MCTP1: variants seen among roughly 807,000 people sequenced by gnomAD.
The protein encoded by MCTP1 is multiple C2 and transmembrane domain-containing protein 1.
MCTP1 carries 69 observed loss-of-function variants against 120.6 expected under a neutral mutation model. The observed-to-expected ratio is 0.57, with a 90% CI of 0.47 to 0.70. The LOEUF is 0.70. MCTP1 is among the 30% of genes least tolerant of loss of function. The probability of loss-of-function intolerance (pLI) is 0.00; values close to 1 mark genes in which losing one functional copy is unlikely to be tolerated. For synonymous variants in MCTP1, 529 were observed against 493.1 expected (o/e 1.07, Z -0.96); for missense variants, 1,203 against 1,248.8 (o/e 0.96, Z 0.55).
intron 1 of MCTP1, among the ~76,000 whole-genome samples, chr5:95,146,125 T>G (rs331561): frequency 0.29 from 43,457 of 152,022 alleles, 6,689 homozygotes; most frequent in East Asian, 0.6. Context: ...GGGAGATTAT[T>G]TGTTTCCAAG....
At chr5:94,839,846 T>C (rs2153193995) in intron 17 of MCTP1, among the ~76,000 whole-genome samples, 1 of 152,330 alleles carries the variant, frequency 6.6e-6, no homozygotes, top group Middle Eastern at 3.4e-3. Flanking sequence ...AAGATGACTA[T>C]AAAGATCACA....
At chr5:95,077,131 G>A (rs898457386) in intron 1 of MCTP1, among the ~76,000 whole-genome samples, 6 of 152,108 alleles carry the variant, frequency 3.9e-5, no homozygotes, top group African/African-American at 1.2e-4. Context: ...ATGAAATATT[G>A]TGGGGAAGAA....
chr5:94,993,527 G>T (rs1325900534), intron 2 of MCTP1, among the ~76,000 whole-genome samples: 1 of 152,144 alleles, frequency 6.6e-6, no homozygotes, highest in Non-Finnish European at 1.5e-5. Context: ...CCCAAGAGAT[G>T]ATTTGTTTAT....
At chr5:95,112,879 T>C (rs1284147941) in intron 1 of MCTP1, among the ~76,000 whole-genome samples, 1 of 152,212 alleles carries the variant, frequency 6.6e-6, no homozygotes, top group African/African-American at 2.4e-5. Context: ...GAAGATTTCT[T>C]TTATGATATT....
At chr5:94,877,452 T>C (rs1211665542) in intron 12 of MCTP1, 2 of 152,134 alleles carry the variant, frequency 1.3e-5, no homozygotes, top group East Asian at 3.9e-4. Context: ...TCTTTTACCC[T>C]AACTCATAAA....
intron 1 of MCTP1, among the ~76,000 whole-genome samples, chr5:95,082,621 A>C (rs962613041): frequency 6.6e-6 from 1 of 152,190 alleles, no homozygotes; most frequent in African/African-American, 2.4e-5. Context: ...AAGAAACATT[A>C]ATTTTAGTAA....
At chr5:94,957,037 A>C (rs999106982) in intron 2 of MCTP1, among the ~76,000 whole-genome samples, 8 of 152,218 alleles carry the variant, frequency 5.3e-5, no homozygotes, top group African/African-American at 1.9e-4. Flanking sequence ...CTACCCACAA[A>C]GGGAAGCCCA....
chr5:94,747,917 C>T (rs1269026242), intron 19 of MCTP1, among the ~76,000 whole-genome samples: 1 of 152,014 alleles, frequency 6.6e-6, no homozygotes, highest in Non-Finnish European at 1.5e-5. Flanking sequence ...GTGGTGAAAT[C>T]CCGTCTCTAC....
chr5:95,076,175 T>C (rs550266695), intron 1 of MCTP1, among the ~76,000 whole-genome samples: 120 of 151,178 alleles, frequency 7.9e-4, no homozygotes, highest in Non-Finnish European at 1.3e-3. Context: ...TATAATGATA[T>C]ATTATGATAA....
intron 17 of MCTP1, among the ~76,000 whole-genome samples, chr5:94,824,191 T>C (rs1193253461): frequency 1.3e-5 from 2 of 152,230 alleles, no homozygotes; most frequent in Admixed American, 6.5e-5. Context: ...TTCTCATAAA[T>C]AGCTCTTATT....
At chr5:95,131,037 T>G (rs1759003430) in intron 1 of MCTP1, among the ~76,000 whole-genome samples, 1 of 152,156 alleles carries the variant, frequency 6.6e-6, no homozygotes, top group African/African-American at 2.4e-5. Flanking sequence ...AATTAGGTGG[T>G]TCACAGTATT....
intron 2 of MCTP1, among the ~76,000 whole-genome samples, chr5:94,965,226 C>T (rs1825300879): frequency 6.6e-6 from 1 of 152,150 alleles, no homozygotes; most frequent in African/African-American, 2.4e-5. Flanking sequence ...GTAAAGTATT[C>T]TTGGATGCCA....
intron 20 of MCTP1, among the ~76,000 whole-genome samples, chr5:94,714,342 G>A (rs1268339866): frequency 6.6e-6 from 1 of 151,898 alleles, no homozygotes; most frequent in African/African-American, 2.4e-5. Flanking sequence ...CCATAAATAT[G>A]ATTAATTTTT....
chr5:95,045,450 C>T (rs1582007639), intron 1 of MCTP1, among the ~76,000 whole-genome samples: 1 of 152,146 alleles, frequency 6.6e-6, no homozygotes, highest in African/African-American at 2.4e-5. Context: ...TAAACATTTG[C>T]TGACTGACTG....
At chr5:94,917,254 C>T (rs978388432) in intron 8 of MCTP1, among the ~76,000 whole-genome samples, 5 of 152,088 alleles carry the variant, frequency 3.3e-5, no homozygotes, top group African/African-American at 9.7e-5. Context: ...TTGCATATTG[C>T]GGCTGGTACT....
chr5:94,919,785 G>A (rs541072038), intron 7 of MCTP1, among the ~76,000 whole-genome samples: 4 of 152,290 alleles, frequency 2.6e-5, no homozygotes, highest in South Asian at 2.1e-4. Context: ...TTATTCCAGC[G>A]AATTGCACCT....
At chr5:95,168,787 G>A (rs1746796033) in intron 1 of MCTP1, among the ~76,000 whole-genome samples, 1 of 152,158 alleles carries the variant, frequency 6.6e-6, no homozygotes, top group Non-Finnish European at 1.5e-5. Flanking sequence ...TCAGCTTAAG[G>A]AGATTTTGGG....
intron 1 of MCTP1, among the ~76,000 whole-genome samples, chr5:95,255,252 A>G (rs1757762409): frequency 6.6e-6 from 1 of 152,200 alleles, no homozygotes; most frequent in African/African-American, 2.4e-5. Flanking sequence ...CTGTCTTACT[A>G]ATATTTGTAT....
At chr5:95,250,429 G>A (rs968928154) in intron 1 of MCTP1, among the ~76,000 whole-genome samples, 1 of 152,160 alleles carries the variant, frequency 6.6e-6, no homozygotes, top group Non-Finnish European at 1.5e-5. Flanking sequence ...ATGAAACTGT[G>A]GTGGCTAACT....
Sources: allele counts gnomAD v4.1 joint callset (sites outside exome capture counted in the v4.1 genomes callset), GRCh38; gene constraint gnomAD v4.1.1; transcripts MANE v1.5; gene names NCBI Gene and HGNC (gene_info 2026-07-23, HGNC 2026-07-21).